STK3: variants seen among roughly 807,000 people sequenced by gnomAD.
STK3 encodes serine/threonine kinase 3.
STK3 carries 41 observed loss-of-function variants against 58.0 expected under a neutral mutation model. The observed-to-expected ratio is 0.71, with a 90% CI of 0.55 to 0.92. The LOEUF (loss-of-function observed/expected upper bound fraction) is 0.92, where lower values mean the gene tolerates loss of function less well. Ranked by LOEUF, STK3 falls within the 40% of genes least tolerant of loss-of-function variation. The probability of loss-of-function intolerance (pLI) is 0.00; values close to 1 mark genes in which losing one functional copy is unlikely to be tolerated. For synonymous variants in STK3, 170 were observed against 191.0 expected, an observed-to-expected ratio of 0.89 and a Z score of 0.91; for missense variants, 479 against 602.7, an observed-to-expected ratio of 0.79 and a Z score of 2.15.
At chr8:98,563,448 T>C (rs929035991) in intron 8 of STK3, among the ~76,000 whole-genome samples, 3 of 152,176 alleles carry the variant, frequency 2.0e-5, no homozygotes, top group Non-Finnish European at 2.9e-5. Context: ...TAGTTATAAA[T>C]GTGTATATAC....
chr8:98,654,584 C>T (rs1323614287), intron 6 of STK3, among the ~76,000 whole-genome samples: 1 of 152,078 alleles, frequency 6.6e-6, no homozygotes, highest in Non-Finnish European at 1.5e-5. Context: ...TCTAGAAAAC[C>T]CCATTGTGTT....
chr8:98,737,472 G>C (rs1359403855), intron 4 of STK3, among the ~76,000 whole-genome samples: 1 of 152,108 alleles, frequency 6.6e-6, no homozygotes, highest in Non-Finnish European at 1.5e-5. Flanking sequence ...TACAAAAAAG[G>C]TACATGAATA....
intron 7 of STK3, among the ~76,000 whole-genome samples, chr8:98,581,645 C>T (rs890345406): frequency 5.9e-5 from 9 of 151,294 alleles, no homozygotes; most frequent in Non-Finnish European, 1.2e-4. Flanking sequence ...TCCATTTCTC[C>T]GTCCTTCTGC....
chr8:98,841,817 A>G (rs957009325), intron 3 of STK3, among the ~76,000 whole-genome samples: 3 of 152,096 alleles, frequency 2.0e-5, no homozygotes, highest in African/African-American at 7.2e-5. Context: ...ACTGCAGACT[A>G]TAAGAAAAAT....
At chr8:98,868,972 G>C (rs1170735919) in intron 3 of STK3, among the ~76,000 whole-genome samples, 1 of 144,566 alleles carries the variant, frequency 6.9e-6, no homozygotes, top group Non-Finnish European at 1.5e-5. Context: ...ATGAGACCTT[G>C]ACTCAAAAAA....
intron 3 of STK3, among the ~76,000 whole-genome samples, chr8:98,405,093 T>C (rs926054589): frequency 6.6e-6 from 1 of 152,252 alleles, no homozygotes; most frequent in African/African-American, 2.4e-5. Context: ...CCTTTTATTA[T>C]TTCTGTAATG....
At chr8:98,889,777 C>T (rs1838128824) in intron 1 of STK3, 1 of 152,224 alleles carries the variant, frequency 6.6e-6, no homozygotes, top group South Asian at 2.1e-4. Flanking sequence ...AACCGTACCT[C>T]CACAATCTCA....
intron 3 of STK3, among the ~76,000 whole-genome samples, chr8:98,860,749 C>A (rs1836901196): frequency 6.6e-6 from 1 of 152,058 alleles, no homozygotes; most frequent in Admixed American, 6.6e-5. Context: ...CAGCATACGA[C>A]AAACACACAA....
chr8:98,546,680 C>T (rs368159318), intron 9 of STK3, among the ~76,000 whole-genome samples: 3 of 152,044 alleles, frequency 2.0e-5, no homozygotes, highest in Non-Finnish European at 4.4e-5. Context: ...GAGTGAGGCA[C>T]GTTATGGATG....
chr8:98,890,568 A>C (rs889337408), intron 1 of STK3, among the ~76,000 whole-genome samples: 2 of 152,196 alleles, frequency 1.3e-5, no homozygotes, highest in Non-Finnish European at 2.9e-5. Context: ...CCTTTAAGAA[A>C]AATTGTCTAG....
Position 98,720,123 on chromosome 8 carries a change from G to A in STK3, c.352-12812C>T, listed in dbSNP as rs747760444. Among the ~76,000 whole-genome samples the A allele has an allele frequency of 8.9e-4, 136 of 152,092 alleles. 1 individual carries two copies. The highest frequency in any genetic ancestry group is 9.3e-4 in the Non-Finnish European group (63 of 68,008). On this transcript the variant is annotated intron_variant, in intron 4 of 10. Coordinates refer to ENST00000419617, the MANE Select transcript of STK3 (RefSeq NM_006281.4). The stretch of plus-strand genomic sequence containing the variant: ...TTTAAATTCAATTATGAAATGAAAG[G>A]TTCCTATCCCTCAATAAAATCACTT...
At chr8:98,415,395 T>C (rs1818104093) in intron 3 of STK3, among the ~76,000 whole-genome samples, 1 of 152,240 alleles carries the variant, frequency 6.6e-6, no homozygotes, top group African/African-American at 2.4e-5. Context: ...TTGATGATAG[T>C]AGTCGGCATT....
chr8:98,365,941 T>C, the STK3 span, among the ~76,000 whole-genome samples: 2 of 152,304 alleles, frequency 1.3e-5, no homozygotes, highest in African/African-American at 2.4e-5. Flanking sequence ...ATTGTGGGCA[T>C]TTTGTGGTTT....
Position 98,548,152 on chromosome 8 carries a change from C to T in STK3, c.958G>A (p.Glu320Lys). 6.5e-7 allele frequency: 1 copy of T among 1,540,540 alleles called. No individual in the cohort carries two copies. The highest frequency in any genetic ancestry group is 8.7e-7 in the Non-Finnish European group (1 of 1,145,462). ...EEEEENSDED[E>K]LDSHTMVKTS... is the part of the protein sequence containing the mutation. ...TTCACCATGGTGTGGGAATCCAGCTCATCTTCATCCTGCAAGCAAAATACT... is the reference window on the plus strand; with the variant it reads ...TTCACCATGGTGTGGGAATCCAGCTTATCTTCATCCTGCAAGCAAAATACT... Residue 320 changes from glutamate (E) to lysine (K), a missense_variant, in exon 9 of 11, where the codon GAG (glutamate) becomes AAG (lysine). By Grantham distance (56) the Glu-to-Lys change is moderately conservative. This residue lies in a region of STK3 where 309 missense variants were observed against 355.7 expected (regional missense o/e 0.87). Transcript: ENST00000419617.
At position 98,769,581 on chromosome 8, in the gene STK3, G is replaced by A. The variant is rs374263855; in HGVS notation, c.108-2210C>T. On this transcript the variant is annotated intron_variant, in intron 2 of 10. Transcript: ENST00000419617. ...CCAGGTATGTCTTTACCAACAGTGT[G>A]AAAACAGACTAATACAGATGTGTAG... is the stretch of plus-strand genomic sequence containing the variant. Among the ~76,000 whole-genome samples, 40 of 152,296 alleles carry A rather than the reference G, an allele frequency of 2.6e-4. No homozygotes were observed. The East Asian group carries it at 7.7e-3, about 29-fold the overall frequency.
At chr8:98,711,043 C>T (rs1826379747) in intron 4 of STK3, among the ~76,000 whole-genome samples, 1 of 152,158 alleles carries the variant, frequency 6.6e-6, no homozygotes, top group Non-Finnish European at 1.5e-5. Context: ...TGGAGTGGAC[C>T]TCCAGCAAAC....
intron 1 of STK3, among the ~76,000 whole-genome samples, chr8:98,897,105 A>G (rs1357341243): frequency 6.6e-6 from 1 of 152,200 alleles, no homozygotes; most frequent in Non-Finnish European, 1.5e-5. Flanking sequence ...GAAACCTGAA[A>G]ACAACATGGA....
At chr8:98,580,937 T>A (rs1006484679) in intron 7 of STK3, among the ~76,000 whole-genome samples, 1 of 152,220 alleles carries the variant, frequency 6.6e-6, no homozygotes, top group East Asian at 1.9e-4. Context: ...ACAGAAATAC[T>A]AAAATCAATT....
At chr8:98,379,062 G>A (rs1465414925) in intron 2 of STK3, 2 of 151,666 alleles carry the variant, frequency 1.3e-5, no homozygotes, top group Non-Finnish European at 2.9e-5. Context: ...TTCACTTGAT[G>A]TCGGTCTCAG....
Sources: allele counts gnomAD v4.1 joint callset (sites outside exome capture counted in the v4.1 genomes callset), GRCh38; gene constraint gnomAD v4.1.1; regional missense constraint gnomAD v4.1.1; transcripts MANE v1.5; gene names NCBI Gene and HGNC (gene_info 2026-07-23, HGNC 2026-07-21).